Variants in KIFC1 observed in about 807,000 individuals in gnomAD.
KIFC1 encodes kinesin-like protein KIFC1.
A neutral mutation model predicts 66.6 loss-of-function variants in KIFC1; 37 were observed. The ratio of observed to expected loss-of-function variants is 0.56; its 90% CI spans 0.43 to 0.73. KIFC1 has a LOEUF of 0.73. Among genes scored for constraint, KIFC1 ranks in the 30% least tolerant of loss-of-function variants. The probability of loss-of-function intolerance (pLI) is 0.00; values close to 1 mark genes in which losing one functional copy is unlikely to be tolerated. For missense variants in KIFC1, 721 were observed against 859.8 expected, an observed-to-expected ratio of 0.84 and a Z score of 2.02; for synonymous variants, 325 against 343.5, an observed-to-expected ratio of 0.95 and a Z score of 0.60.
At chr6:33,408,226 C>A (rs942464021) in intron 10 of KIFC1, among the ~76,000 whole-genome samples, 4 of 152,214 alleles carry the variant, frequency 2.6e-5, no homozygotes, top group African/African-American at 7.2e-5. Context: ...GCAAGGGCCA[C>A]CCACTTGGTT....
chr6:33,398,246 T>G (rs2151085513), intron 2 of KIFC1, 42 bp from the exon 3 acceptor site: 2 of 1,613,270 alleles, frequency 1.2e-6, no homozygotes, highest in East Asian at 2.2e-5. Flanking sequence ...GTATAAACCA[T>G]TAGGGAGGGT....
intron 10 of KIFC1, among the ~76,000 whole-genome samples, chr6:33,407,358 G>A (rs994164093): frequency 2.6e-5 from 4 of 152,300 alleles, no homozygotes; most frequent in African/African-American, 7.2e-5. Flanking sequence ...GCAGTGAGCC[G>A]TGATCCTACC....
chr6:33,408,342 C>T (rs1397878827), intron 10 of KIFC1, among the ~76,000 whole-genome samples: 2 of 152,326 alleles, frequency 1.3e-5, no homozygotes, highest in East Asian at 1.9e-4. Context: ...TGGCTGGTTG[C>T]TTCCTCTTTC....
rs1197489074 is a variant in KIFC1, at chr6:33,406,696, G to A, written c.1901+31G>A. ...TGAAAGGGACAGATGGAAGGGGTCA[G>A]GTAGGAACTGTGTTGGGGTGAGGGG... On this transcript the variant is annotated intron_variant, in intron 9 of 10. Transcript: ENST00000428849. The surrounding 1 kb of genome is among the most constrained non-coding windows in gnomAD (Gnocchi z 4.5). 1.2e-6 allele frequency: 2 copies of A among 1,613,272 alleles called. No individual in the cohort carries two copies. Among genetic ancestry groups the A allele is most frequent in the Non-Finnish European group, 1.7e-6 (2 of 1,179,180 alleles).
intron 3 of KIFC1, among the ~76,000 whole-genome samples, chr6:33,402,061 A>C (rs1029909296): frequency 6.6e-6 from 1 of 152,186 alleles, no homozygotes; most frequent in African/African-American, 2.4e-5. Context: ...TGTTTTTGCA[A>C]ATAGAAGGAG....
At position 33,405,093 on chromosome 6, in the gene KIFC1, T is replaced by G; in HGVS notation, c.998T>G (p.Leu333Arg). 1 of 1,614,138 alleles carries G rather than the reference T, an allele frequency of 6.2e-7. No individual in the cohort carries two copies. Among genetic ancestry groups the G allele is most frequent in the Non-Finnish European group, 8.5e-7 (1 of 1,180,012 alleles). The change falls in exon 7 of 11, where the codon CTG becomes CGG. Residue 333 changes from leucine (L) to arginine (R), a missense_variant. Coordinates refer to ENST00000428849, the MANE Select transcript of KIFC1 (RefSeq NM_002263.4). This position sits in a 1 kb window ranked among gnomAD's most constrained non-coding sequence, Gnocchi z 5.4. Reference protein sequence around the residue: ...GEPTPPPGLLLFPSGPGGPSD... With the variant: ...GEPTPPPGLLRFPSGPGGPSD... ...CCCACTCCACCCCCTGGCCTCCTCC[T>G]GTTTCCCTCTGGCCCTGGTGGGCCC... is the stretch of plus-strand genomic sequence containing the variant.
In KIFC1 at chr6:33,409,712, T is replaced by TCCA; in HGVS notation, c.*22_*23insCCA. 1.6e-6 allele frequency: 1 copy of TCCA among 607,402 alleles called. No homozygotes were observed. The highest frequency in any genetic ancestry group is 2.5e-6 in the Non-Finnish European group (1 of 393,604). 37.6% of individuals were successfully genotyped at this position (607,402 alleles called of 1,614,324 possible). A position where few individuals can be genotyped will look rare whatever the true frequency, so the allele number is the denominator to read the frequency against. ...GTGAAGACGGATCCAGATCTGTGTG[T>TCCA]GTGTGTGTGTGTGTGTGTGTGTGTG... On this transcript the variant is annotated 3_prime_UTR_variant, in exon 11 of 11. Transcript: ENST00000428849.
At chr6:33,399,257 C>T (rs211465) in intron 3 of KIFC1, among the ~76,000 whole-genome samples, 62,550 of 151,808 alleles carry the variant, frequency 0.41, 13,303 homozygotes, top group East Asian at 0.62. Flanking sequence ...ACGTGATGGC[C>T]CGTGCCTGTA....
At chr6:33,399,767 GAA>G (rs1482169828) in intron 3 of KIFC1, among the ~76,000 whole-genome samples, 1 of 152,258 alleles carries the variant, frequency 6.6e-6, no homozygotes, top group Non-Finnish European at 1.5e-5. Flanking sequence ...TGTTTGAATG[GAA>G]GTTGCTCTGG....
chr6:33,397,403 T>G (rs570908583), intron 1 of KIFC1, among the ~76,000 whole-genome samples: 1 of 150,974 alleles, frequency 6.6e-6, no homozygotes, highest in African/African-American at 2.4e-5. Context: ...GTTCAGGCGA[T>G]TCTCCTGACT....
rs1378643625 is a variant in KIFC1 at position 33,403,389 on chromosome 6, G to A, written c.304+22G>A. The A allele has an allele frequency of 6.2e-6, 10 of 1,613,614 alleles. No homozygotes were observed. Among genetic ancestry groups the A allele is most frequent in the Non-Finnish European group, 8.5e-6 (10 of 1,179,606 alleles). ...ACAGGTAACTGTGCTCAAGAGCTGG[G>A]TCTGAGAAGGGATTTGGGGTATGTG... On this transcript the variant is annotated intron_variant, in intron 4 of 10. Coordinates refer to ENST00000428849, the MANE Select transcript of KIFC1 (RefSeq NM_002263.4). The surrounding 1 kb of genome is among the most constrained non-coding windows in gnomAD (Gnocchi z 4.6).
chr6:33,406,596 CCCA>C lies in KIFC1; in HGVS notation c.1834_1836del (p.His612del), dbSNP rs1416126741. The C allele has an allele frequency of 6.2e-7, 1 of 1,614,074 alleles. No individual in the cohort carries two copies. Among genetic ancestry groups the C allele is most frequent in the Non-Finnish European group, 8.5e-7 (1 of 1,180,002 alleles). ...GTCCCCACCTCAATCATCTAGGAGT[CCCA>C]CGTGCCTTACCGGAACAGCAAACTG... On this transcript the variant is annotated inframe_deletion, in exon 9 of 11. Coordinates refer to ENST00000428849, the MANE Select transcript of KIFC1 (RefSeq NM_002263.4). The surrounding 1 kb of genome is among the most constrained non-coding windows in gnomAD (Gnocchi z 4.5).
At chr6:33,409,518 C>G (rs1581928321) in intron 10 of KIFC1, 128 bp from the exon 11 acceptor site, 2 of 926,938 alleles carry the variant, frequency 2.2e-6, no homozygotes, top group East Asian at 2.4e-5. Context: ...CCAGCCTGAA[C>G]CAGCCTTTGG....
intron 3 of KIFC1, among the ~76,000 whole-genome samples, chr6:33,402,730 CAA>C (rs538332808): frequency 7.9e-6 from 1 of 126,706 alleles, no homozygotes; most frequent in African/African-American, 3.0e-5. Context: ...AACTCCATCT[CAA>C]AAAAAAAACA....
chr6:33,409,732 TGTGTGTG>T lies in KIFC1; in HGVS notation c.*43_*49del. 6.7e-7 allele frequency: 1 copy of T among 1,486,694 alleles called. No individual in the cohort carries two copies. The highest frequency in any genetic ancestry group is 9.3e-7 in the Non-Finnish European group (1 of 1,078,096). 92.1% of individuals were successfully genotyped at this position (1,486,694 alleles called of 1,614,324 possible). On this transcript the variant is annotated 3_prime_UTR_variant, in exon 11 of 11. Transcript: ENST00000428849. ...GTGTGTGTGTGTGTGTGTGTGTGTG[TGTGTGTG>T]TGTGTGTGTGTGTGTCCCTATGTCT...
chr6:33,398,025 A>G lies in KIFC1; in HGVS notation c.13-4A>G. The stretch of plus-strand genomic sequence containing the variant: ...ATTGTCTTAAGGGTCTCTTTTCCCA[A>G]CAGAGGTCCCCCCTATTGGAAGTAA... On this transcript the variant is annotated splice_region_variant and splice_polypyrimidine_tract_variant and intron_variant, in intron 1 of 10. Transcript: ENST00000428849. 6.2e-7 allele frequency: 1 copy of G among 1,613,892 alleles called. No individual in the cohort carries two copies. The highest frequency in any genetic ancestry group is 2.2e-5 in the East Asian group (1 of 44,866).
intron 1 of KIFC1, among the ~76,000 whole-genome samples, chr6:33,397,637 A>G (rs1775124228): frequency 6.6e-6 from 1 of 152,110 alleles, no homozygotes; most frequent in South Asian, 2.1e-4. Context: ...ATATTGCCTG[A>G]TTCTCCCAAG....
Position 33,398,120 on chromosome 6 carries a change from T to C in KIFC1, c.104T>C (p.Leu35Pro). 1 of 1,614,020 alleles carries C rather than the reference T, an allele frequency of 6.2e-7. No individual in the cohort carries two copies. The highest frequency in any genetic ancestry group is 2.2e-5 in the East Asian group (1 of 44,872). The change falls in exon 2 of 11, where the codon CTC becomes CCC. Residue 35 changes from leucine (L) to proline (P), a missense_variant. Coordinates refer to ENST00000428849, the MANE Select transcript of KIFC1 (RefSeq NM_002263.4). Reference sequence around the variant, plus strand: ...CAGCTGCCTCTCTCAGGAAGCAGACTCAAGAGGAGGCCTGACCAGATGGAA... The same window carrying C: ...CAGCTGCCTCTCTCAGGAAGCAGACCCAAGAGGAGGCCTGACCAGATGGAA... ...PSQLPLSGSRLKRRPDQMEDG... is the reference protein window; with the variant it reads ...PSQLPLSGSRPKRRPDQMEDG...
rs1222268209 is a variant in KIFC1, at chr6:33,405,746, T to C, written c.1536+115T>C. ...GAATTGAAGGATGAAGTGCAAGTTA[T>C]CAGGCTGGGTTACCACATCCGGTTT... is the stretch of plus-strand genomic sequence containing the variant. On this transcript the variant is annotated intron_variant, in intron 7 of 10. Coordinates refer to ENST00000428849, the MANE Select transcript of KIFC1 (RefSeq NM_002263.4). This position sits in a 1 kb window ranked among gnomAD's most constrained non-coding sequence, Gnocchi z 5.4. The C allele has an allele frequency of 2.6e-6, 3 of 1,149,810 alleles. No homozygotes were observed. The highest frequency in any genetic ancestry group is 1.2e-6 in the Non-Finnish European group (1 of 854,254). 71.2% of individuals were successfully genotyped at this position (1,149,810 alleles called of 1,614,324 possible). A position where few individuals can be genotyped will look rare whatever the true frequency, so the allele number is the denominator to read the frequency against.
Sources: allele counts gnomAD v4.1 joint callset (sites outside exome capture counted in the v4.1 genomes callset), GRCh38; gene constraint gnomAD v4.1.1; non-coding constraint Gnocchi (gnomAD v3.1); transcripts MANE v1.5; gene names NCBI Gene and HGNC (gene_info 2026-07-23, HGNC 2026-07-21).